DGKH: variants seen among roughly 807,000 people sequenced by gnomAD.
DGKH encodes diacylglycerol kinase eta.
Under a neutral mutation model 159.3 loss-of-function variants are expected in DGKH, and 90 were observed. The ratio of observed to expected loss-of-function variants is 0.57; its 90% CI spans 0.48 to 0.67. DGKH has a LOEUF of 0.67. Ranked by LOEUF, DGKH falls within the 30% of genes least tolerant of loss-of-function variation. The pLI is 0.00. For missense variants in DGKH, 1,181 were observed against 1,506.1 expected, an observed-to-expected ratio of 0.78 and a Z score of 3.57; for synonymous variants, 536 against 553.8, an observed-to-expected ratio of 0.97 and a Z score of 0.45.
upstream of DGKH, among the ~76,000 whole-genome samples, chr13:42,045,346 A>G (rs1231288051): frequency 6.6e-6 from 1 of 152,210 alleles, no homozygotes; most frequent in African/African-American, 2.4e-5. Flanking sequence ...TTATTTTGAA[A>G]TGGTTTTATA....
chr13:42,045,722 A>G (rs188262221), upstream of DGKH, among the ~76,000 whole-genome samples: 20 of 152,368 alleles, frequency 1.3e-4, no homozygotes, highest in Non-Finnish European at 2.8e-4. Context: ...GATTAGGAAC[A>G]CAAGTCCTAG....
At chr13:42,256,119 AC>A in intron 30 of DGKH, 1 of 1,186,372 alleles carries the variant, frequency 8.4e-7, no homozygotes, top group Non-Finnish European at 1.3e-6. Flanking sequence ...GGCAAGGTGA[AC>A]CCTACTCAGT....
At chr13:42,198,727 A>G in intron 18 of DGKH, 132 bp downstream of exon 18, 2 of 844,570 alleles carry the variant, frequency 2.4e-6, no homozygotes, top group South Asian at 3.1e-5. Context: ...TCAGAAAATT[A>G]CAAAAGTTGA....
intron 13 of DGKH, among the ~76,000 whole-genome samples, chr13:42,183,077 C>G (rs34445998): frequency 6.6e-6 from 1 of 151,920 alleles, no homozygotes; most frequent in Non-Finnish European, 1.5e-5. Context: ...TTACTTGAGC[C>G]CAGGAGTTCA....
At chr13:42,148,730 CT>C (rs1179550974) in intron 3 of DGKH, among the ~76,000 whole-genome samples, 1 of 152,100 alleles carries the variant, frequency 6.6e-6, no homozygotes, top group East Asian at 1.9e-4. Flanking sequence ...ATAATTGCCC[CT>C]CTGCTTTTAT....
At chr13:42,206,887 C>T (rs1448888945) in intron 21 of DGKH, among the ~76,000 whole-genome samples, 3 of 151,596 alleles carry the variant, frequency 2.0e-5, no homozygotes, top group Non-Finnish European at 4.4e-5. Context: ...AACAGATTCA[C>T]GGGTTTGGGG....
intron 9 of DGKH, 68 bp downstream of exon 9, chr13:42,166,742 T>G: frequency 3.7e-6 from 5 of 1,333,508 alleles, no homozygotes; most frequent in Non-Finnish European, 4.9e-6. Context: ...GTTTGGTTTT[T>G]CAGCTCATGA....
intron 11 of DGKH, among the ~76,000 whole-genome samples, chr13:42,171,496 G>A (rs377379034): frequency 2.6e-5 from 4 of 152,070 alleles, no homozygotes; most frequent in African/African-American, 7.2e-5. Flanking sequence ...ATTTCCTATC[G>A]AGTGGGGAGG....
intron 1 of DGKH, among the ~76,000 whole-genome samples, chr13:42,060,392 C>T (rs1882066352): frequency 6.6e-6 from 1 of 152,202 alleles, no homozygotes; most frequent in Admixed American, 6.5e-5. Flanking sequence ...GCCTGTACTT[C>T]TGAGATCTGG....
At chr13:42,223,168 T>A (rs1958028819) in intron 29 of DGKH, among the ~76,000 whole-genome samples, 1 of 152,172 alleles carries the variant, frequency 6.6e-6, no homozygotes, top group Admixed American at 6.5e-5. Context: ...CACAAAATCA[T>A]AAAGCTAGAG....
intron 14 of DGKH, among the ~76,000 whole-genome samples, chr13:42,188,760 T>C (rs899923353): frequency 6.6e-6 from 1 of 152,174 alleles, no homozygotes; most frequent in East Asian, 1.9e-4. Context: ...ACTTAAAAAA[T>C]TATAAATTAT....
chr13:42,098,816 T>G (rs1954595913), intron 1 of DGKH, among the ~76,000 whole-genome samples: 1 of 152,270 alleles, frequency 6.6e-6, no homozygotes, highest in Non-Finnish European at 1.5e-5. Context: ...ATTATATTCT[T>G]AAGCTAAAGT....
chr13:42,240,751 G>A lies in DGKH; in HGVS notation c.*11563G>A, dbSNP rs995961449. The A allele has an allele frequency of 1.3e-5, 2 of 152,106 alleles. No homozygotes were observed. The highest frequency in any genetic ancestry group is 2.4e-5 in the African/African-American group (1 of 41,412). The allele number at this position is 152,106 out of a possible 1,614,324, so 9.4% of individuals were successfully genotyped here. A position where few individuals can be genotyped will look rare whatever the true frequency, so the allele number is the denominator to read the frequency against. On this transcript the variant is annotated 3_prime_UTR_variant, in exon 30 of 30. Transcript: ENST00000337343. ...CTGTTTTTCTTTGGGATTAGATAAA[G>A]CCTTTCTACCATATCACCAAATACT...
chr13:42,124,446 G>A (rs1034705519), intron 1 of DGKH, among the ~76,000 whole-genome samples: 7 of 152,130 alleles, frequency 4.6e-5, no homozygotes, highest in Non-Finnish European at 1.0e-4. Flanking sequence ...GGTAATTATA[G>A]AATATAAGTC....
Position 42,129,575 on chromosome 13 carries a change from C to T in DGKH, c.327C>T (p.Asp109=). 6.2e-7 allele frequency: 1 copy of T among 1,612,560 alleles called. No individual in the cohort carries two copies. The highest frequency in any genetic ancestry group is 8.5e-7 in the Non-Finnish European group (1 of 1,179,308). The stretch of plus-strand genomic sequence containing the variant: ...AGTCTCTGATATTTGATGAAGTTGA[C>T]CTCTCAGATGCTAGTGTAGCTGAAG... ...DSKSLIFDEV[D]LSDASVAEAS... is the part of the protein sequence containing the mutation. The change falls in exon 3 of 30, where the codon GAC becomes GAT. Residue 109 remains aspartate (D), a synonymous_variant. Transcript: ENST00000337343.
chr13:42,136,306 G>A (rs1227277776), intron 3 of DGKH, among the ~76,000 whole-genome samples: 1 of 152,150 alleles, frequency 6.6e-6, no homozygotes, highest in Admixed American at 6.5e-5. Flanking sequence ...TTATCTTTCA[G>A]AGATATAGCA....
chr13:42,235,509 G>A lies in DGKH; in HGVS notation c.*6321G>A, dbSNP rs1308411965. On this transcript the variant is annotated 3_prime_UTR_variant, in exon 30 of 30. Transcript: ENST00000337343. ...TTCAGTTGATAAGGCCATTAAGGTAGGATAATGCAGTTACATATACAAACT... is the reference window on the plus strand; with the variant it reads ...TTCAGTTGATAAGGCCATTAAGGTAAGATAATGCAGTTACATATACAAACT... The A allele has an allele frequency of 6.6e-6, 1 of 152,068 alleles. No homozygotes were observed. The highest frequency in any genetic ancestry group is 2.4e-5 in the African/African-American group (1 of 41,436). The allele number at this position is 152,068 out of a possible 1,614,324, so 9.4% of individuals were successfully genotyped here. A position where few individuals can be genotyped will look rare whatever the true frequency, so the allele number is the denominator to read the frequency against.
In DGKH at chr13:42,230,726, A is replaced by G. The variant is rs1421578144; in HGVS notation, c.*1538A>G. Reference sequence around the variant, plus strand: ...TACACATATACATTTATATGTGTATATATATACCTACATACATATAACCTT... The same window carrying G: ...TACACATATACATTTATATGTGTATGTATATACCTACATACATATAACCTT... On this transcript the variant is annotated 3_prime_UTR_variant, in exon 30 of 30. Coordinates refer to ENST00000337343, the MANE Select transcript of DGKH (RefSeq NM_178009.5). The G allele has an allele frequency of 2.0e-5, 3 of 152,218 alleles. 1 individual carries two copies. The South Asian group carries it at 6.2e-4, about 32-fold the overall frequency. 9.4% of individuals were successfully genotyped at this position (152,218 alleles called of 1,614,324 possible). A position where few individuals can be genotyped will look rare whatever the true frequency, so the allele number is the denominator to read the frequency against.
rs143329644 is a variant in DGKH at position 42,217,173 on chromosome 13, T to C, written c.3213+1506T>C. 9.8e-5 allele frequency among the ~76,000 whole-genome samples: 15 copies of C among 152,352 alleles called. No individual in the cohort carries two copies. In the East Asian group the frequency reaches 2.9e-3, roughly 29 times the overall value. On this transcript the variant is annotated intron_variant, in intron 26 of 29. Coordinates refer to ENST00000337343, the MANE Select transcript of DGKH (RefSeq NM_178009.5). ...CTATATTTTAGTGCCAGAATGAATT[T>C]GTAATAACCATTTTATACGTTTTAT...
Sources: gnomAD v4.1 joint callset for allele counts (sites outside exome capture counted in the v4.1 genomes callset) on GRCh38, gnomAD v4.1.1 for gene constraint, MANE v1.5 for transcripts, NCBI Gene and HGNC (gene_info 2026-07-23, HGNC 2026-07-21) for gene names.